The following STRBP variants were observed in gnomAD, a reference collection of about 807,000 sequenced individuals.
STRBP encodes spermatid perinuclear RNA-binding protein.
Under a neutral mutation model 80.1 loss-of-function variants are expected in STRBP, and 13 were observed. The observed-to-expected ratio is 0.16, with a 90% confidence interval of 0.11 to 0.26. STRBP has a LOEUF of 0.26. STRBP is among the 10% of genes least tolerant of loss of function. The probability of loss-of-function intolerance (pLI) is 1.00; values close to 1 mark genes in which losing one functional copy is unlikely to be tolerated. For synonymous variants in STRBP, 284 were observed against 291.2 expected, an observed-to-expected ratio of 0.98 and a Z score of 0.25; for missense variants, 485 against 815.2, an observed-to-expected ratio of 0.59 and a Z score of 4.93.
intron 1 of STRBP, among the ~76,000 whole-genome samples, chr9:123,256,725 C>T (rs1020726624): frequency 4.6e-5 from 7 of 152,164 alleles, no homozygotes; most frequent in Admixed American, 6.5e-5. Context: ...TCCGTCACAG[C>T]GCACACTCAC....
intron 1 of STRBP, among the ~76,000 whole-genome samples, chr9:123,254,245 C>A (rs1003241792): frequency 2.6e-5 from 4 of 151,876 alleles, no homozygotes; most frequent in Non-Finnish European, 2.9e-5. Context: ...TACCTCTTGC[C>A]AGTCAGGAGA....
chr9:123,204,366 C>T (rs983202035), intron 2 of STRBP, among the ~76,000 whole-genome samples: 1 of 152,230 alleles, frequency 6.6e-6, no homozygotes, highest in Admixed American at 6.5e-5. Flanking sequence ...ATTCACATCA[C>T]TGTCTCCACA....
At chr9:123,226,551 C>G (rs9886677) in intron 2 of STRBP, among the ~76,000 whole-genome samples, 16,634 of 152,090 alleles carry the variant, frequency 0.11, 2,965 homozygotes, top group African/African-American at 0.37. Flanking sequence ...ATAAGGGAAA[C>G]TAAGTTGTCC....
At chr9:123,153,477 T>C (rs754003440) in intron 11 of STRBP, among the ~76,000 whole-genome samples, 1 of 152,082 alleles carries the variant, frequency 6.6e-6, no homozygotes, top group Non-Finnish European at 1.5e-5. Context: ...AGGTGTGAGC[T>C]ACCACCCGGC....
At chr9:123,252,827 C>CATAGG (rs2040945276) in intron 1 of STRBP, among the ~76,000 whole-genome samples, 1 of 152,160 alleles carries the variant, frequency 6.6e-6, no homozygotes, top group Admixed American at 6.5e-5. Context: ...CATATTTTAA[C>CATAGG]ATATTACCCC....
chr9:123,241,037 G>C (rs2040682780), intron 1 of STRBP, among the ~76,000 whole-genome samples: 1 of 151,964 alleles, frequency 6.6e-6, no homozygotes, highest in Non-Finnish European at 1.5e-5. Flanking sequence ...AAATTAGCTG[G>C]GCATGGTGGC....
intron 2 of STRBP, among the ~76,000 whole-genome samples, chr9:123,221,437 G>C (rs113485447): frequency 1.0e-3 from 153 of 152,258 alleles, no homozygotes; most frequent in African/African-American, 3.6e-3. Flanking sequence ...GATCTCTTAA[G>C]ACCCTTCAGA....
At chr9:123,141,063 G>C (rs765589636) in intron 13 of STRBP, among the ~76,000 whole-genome samples, 3 of 152,196 alleles carry the variant, frequency 2.0e-5, no homozygotes, top group Non-Finnish European at 2.9e-5. Flanking sequence ...TTAAGTTGCT[G>C]AGATTTAAAA....
chr9:123,239,722 C>T (rs912100220), intron 1 of STRBP, among the ~76,000 whole-genome samples: 1 of 152,164 alleles, frequency 6.6e-6, no homozygotes, highest in Non-Finnish European at 1.5e-5. Context: ...GAACTATACA[C>T]ATAAGTTTTA....
At chr9:123,177,182 TG>T (rs1390267937) in intron 4 of STRBP, among the ~76,000 whole-genome samples, 1 of 152,114 alleles carries the variant, frequency 6.6e-6, no homozygotes, top group East Asian at 1.9e-4. Context: ...TTCCACCACA[TG>T]GGAAGGATCA....
chr9:123,135,974 A>G (rs1004296562), intron 16 of STRBP, 67 bp downstream of exon 16: 1 of 1,587,442 alleles, frequency 6.3e-7, no homozygotes, highest in Non-Finnish European at 8.6e-7. Flanking sequence ...CCACATGGAC[A>G]GGAAAGAAAA....
intron 11 of STRBP, 42 bp downstream of exon 11, chr9:123,157,970 C>T (rs2037360587): frequency 3.7e-6 from 5 of 1,365,210 alleles, no homozygotes; most frequent in Non-Finnish European, 4.2e-6. Context: ...TTATCTCTAC[C>T]AGTGCCAACC....
chr9:123,136,104 G>A lies in STRBP; in HGVS notation c.1710C>T (p.Ala570=). Residue 570 remains alanine, a synonymous_variant, in exon 16 of 19, where the codon GCC becomes GCT. Coordinates refer to ENST00000348403, the MANE Select transcript of STRBP (RefSeq NM_018387.5). This position sits in a 1 kb window ranked among gnomAD's most constrained non-coding sequence, Gnocchi z 4.2. ...TGGGTCCAGAAAACAGTTTCTCCAAGGCAGCTAAAGCTGCACTCGCCTTTG... is the reference window on the plus strand; with the variant it reads ...TGGGTCCAGAAAACAGTTTCTCCAAAGCAGCTAAAGCTGCACTCGCCTTTG... ...KVAKASAALA[A]LEKLFSGPNA... 1.2e-6 allele frequency: 2 copies of A among 1,614,088 alleles called. No individual in the cohort carries two copies. Among genetic ancestry groups the A allele is most frequent in the Non-Finnish European group, 1.7e-6 (2 of 1,179,998 alleles).
In STRBP at chr9:123,126,397, C is replaced by T. The variant is rs1039558590; in HGVS notation, c.1943-724G>A. On this transcript the variant is annotated intron_variant, in intron 18 of 18. Transcript: ENST00000348403. This position sits in a 1 kb window ranked among gnomAD's most constrained non-coding sequence, Gnocchi z 4.4. ...TTACCTTACAGCCAAAATAAAGCAT[C>T]GTTTTAGTAGGTTTGCATCACAGTA... Among the ~76,000 whole-genome samples the T allele has an allele frequency of 6.6e-6, 1 of 152,128 alleles. No individual in the cohort carries two copies. The highest frequency in any genetic ancestry group is 1.5e-5 in the Non-Finnish European group (1 of 68,016).
chr9:123,223,768 T>C (rs1177028649), intron 2 of STRBP, among the ~76,000 whole-genome samples: 1 of 152,154 alleles, frequency 6.6e-6, no homozygotes, highest in Non-Finnish European at 1.5e-5. Context: ...CCACTAAAAA[T>C]CTTGATTCTT....
chr9:123,242,987 GA>G (rs1171372838), intron 1 of STRBP, among the ~76,000 whole-genome samples: 1 of 151,894 alleles, frequency 6.6e-6, no homozygotes, highest in Non-Finnish European at 1.5e-5. Flanking sequence ...AACTTACATG[GA>G]AAGACACAAG....
Position 123,173,834 on chromosome 9 carries a change from C to T in STRBP, c.233G>A (p.Gly78Asp), listed in dbSNP as rs1331903609. The T allele has an allele frequency of 1.9e-6, 3 of 1,593,698 alleles. No homozygotes were observed. Among genetic ancestry groups the T allele is most frequent in the Admixed American group, 3.7e-5 (2 of 53,734 alleles). ...CATTACACCACACAATGTCCGACCA[C>T]CTTGATCCCTAAAAATAAAAGTCTG... Reference protein sequence around the residue: ...EAGENYSKDQGGRTLCGVMRI... With the variant: ...EAGENYSKDQDGRTLCGVMRI... The change falls in exon 5 of 19, where the codon GGT becomes GAT. Residue 78 changes from glycine to aspartate, a missense_variant. Transcript: ENST00000348403.
At chr9:123,189,302 C>T (rs1160563784) in intron 2 of STRBP, among the ~76,000 whole-genome samples, 2 of 95,794 alleles carry the variant, frequency 2.1e-5, no homozygotes, top group Non-Finnish European at 3.9e-5. Context: ...CATACCAGGG[C>T]CTGTTGTGGG....
At chr9:123,135,927 C>A in intron 16 of STRBP, 114 bp downstream of exon 16, 1 of 1,399,696 alleles carries the variant, frequency 7.1e-7, no homozygotes, top group Non-Finnish European at 9.7e-7. Flanking sequence ...GTCACCAAGT[C>A]CAAGAAAAGG....
Sources: gnomAD v4.1 joint callset for allele counts (sites outside exome capture counted in the v4.1 genomes callset) on GRCh38, gnomAD v4.1.1 for gene constraint, Gnocchi (gnomAD v3.1) non-coding constraint, MANE v1.5 for transcripts, NCBI Gene and HGNC (gene_info 2026-07-23, HGNC 2026-07-21) for gene names.